The following DGKI variants were observed in gnomAD, a reference collection of about 807,000 sequenced individuals.
DGKI encodes DAG kinase iota.
DGKI carries 55 observed loss-of-function variants against 147.5 expected under a neutral mutation model. The ratio of observed to expected loss-of-function variants is 0.37; its 90% CI spans 0.30 to 0.47. DGKI has a LOEUF of 0.47. DGKI is among the 20% of genes least tolerant of loss of function. DGKI has a pLI of 1.00. For missense variants in DGKI, 1,007 were observed against 1,323.8 expected (o/e 0.76, Z 3.71); for synonymous variants, 469 against 477.1 (o/e 0.98, Z 0.22).
intron 15 of DGKI, among the ~76,000 whole-genome samples, chr7:137,580,399 T>C (rs1819147009): frequency 6.6e-6 from 1 of 152,072 alleles, no homozygotes; most frequent in Non-Finnish European, 1.5e-5. Context: ...ATACCTAATA[T>C]CCAAGAACTG....
chr7:137,678,983 C>T (rs1238705907), intron 2 of DGKI, among the ~76,000 whole-genome samples: 1 of 152,156 alleles, frequency 6.6e-6, no homozygotes, highest in African/African-American at 2.4e-5. Flanking sequence ...CCAGGCCCAC[C>T]ACTGCAAATG....
intron 1 of DGKI, among the ~76,000 whole-genome samples, chr7:137,763,281 T>A (rs1795915188): frequency 6.6e-6 from 1 of 152,262 alleles, no homozygotes; most frequent in Non-Finnish European, 1.5e-5. Context: ...TGTCCTATTA[T>A]ACAGTTTATA....
chr7:137,772,225 A>T (rs907827588), intron 1 of DGKI: 39 of 133,608 alleles, frequency 2.9e-4, no homozygotes, highest in African/African-American at 9.6e-4. Context: ...GTAGAATTTT[A>T]AAACAAAAGG....
intron 28 of DGKI, among the ~76,000 whole-genome samples, chr7:137,418,649 TTTTTA>T (rs1812447676): frequency 6.6e-6 from 1 of 152,246 alleles, no homozygotes; most frequent in South Asian, 2.1e-4. Context: ...TTCAGTTATT[TTTTTA>T]GTTTTAAAAA....
At chr7:137,497,140 C>G (rs764909518) in intron 21 of DGKI, among the ~76,000 whole-genome samples, 2 of 147,368 alleles carry the variant, frequency 1.4e-5, no homozygotes, top group Non-Finnish European at 3.0e-5. Context: ...AAGACATGAA[C>G]AGACATATTT....
intron 20 of DGKI, among the ~76,000 whole-genome samples, chr7:137,522,993 A>C (rs1247085752): frequency 6.6e-6 from 1 of 152,080 alleles, no homozygotes; most frequent in Non-Finnish European, 1.5e-5. Context: ...AAGTAGAAAG[A>C]ATGGCATTAT....
intron 24 of DGKI, 88 bp downstream of exon 24, chr7:137,469,462 T>C: frequency 1.5e-6 from 2 of 1,366,256 alleles, no homozygotes; most frequent in East Asian, 2.3e-5. Context: ...AATAATCTTT[T>C]GGAAAACTAG....
At chr7:137,768,229 T>G (rs1479074827) in intron 1 of DGKI, among the ~76,000 whole-genome samples, 1 of 152,094 alleles carries the variant, frequency 6.6e-6, no homozygotes, top group Non-Finnish European at 1.5e-5. Flanking sequence ...TGCACCAACC[T>G]AACAGATAAT....
rs114545803 is a variant in DGKI at position 137,627,086 on chromosome 7, T to C, written c.805-3532A>G. ...AATATGTTTTATTCTTTTATAGTTCTATTTATTTATTTATTTTTGGCTGTT... is the reference window on the plus strand; with the variant it reads ...AATATGTTTTATTCTTTTATAGTTCCATTTATTTATTTATTTTTGGCTGTT... On this transcript the variant is annotated intron_variant, in intron 6 of 32. Coordinates refer to ENST00000614521, the MANE Select transcript of DGKI (RefSeq NM_001321708.2). 7.8e-3 allele frequency among the ~76,000 whole-genome samples: 1,186 copies of C among 152,276 alleles called. 19 individuals carry two copies. Among genetic ancestry groups the C allele is most frequent in the African/African-American group, 0.028 (1,148 of 41,546 alleles).
intron 20 of DGKI, among the ~76,000 whole-genome samples, chr7:137,547,525 T>C (rs552665075): frequency 6.6e-6 from 1 of 152,170 alleles, no homozygotes; most frequent in African/African-American, 2.4e-5. Context: ...CCAAAACACA[T>C]TTGATATTAG....
intron 21 of DGKI, among the ~76,000 whole-genome samples, chr7:137,507,842 C>T (rs1816420736): frequency 6.6e-6 from 1 of 152,056 alleles, no homozygotes; most frequent in African/African-American, 2.4e-5. Context: ...TGTTTAGAAT[C>T]CAGAAGGGCT....
Position 137,714,306 on chromosome 7 carries a change from A to G in DGKI, c.402-24304T>C, listed in dbSNP as rs566859333. On this transcript the variant is annotated intron_variant, in intron 1 of 32. Coordinates refer to ENST00000614521, the MANE Select transcript of DGKI (RefSeq NM_001321708.2). Reference sequence around the variant, plus strand: ...AAGGTTAAAAAAAATGTTTAAAAACATCTAACACATATCTGCTTTTAAATA... The same window carrying G: ...AAGGTTAAAAAAAATGTTTAAAAACGTCTAACACATATCTGCTTTTAAATA... Among the ~76,000 whole-genome samples the G allele has an allele frequency of 2.2e-3, 333 of 152,362 alleles. 2 individuals carry two copies. The highest frequency in any genetic ancestry group is 0.017 in the Middle Eastern group (5 of 294).
intron 19 of DGKI, among the ~76,000 whole-genome samples, chr7:137,562,566 GAGA>G (rs1818453639): frequency 6.6e-6 from 1 of 152,110 alleles, no homozygotes; most frequent in African/African-American, 2.4e-5. Flanking sequence ...AGGTAAGAAA[GAGA>G]AGAAGGATTA....
In DGKI at chr7:137,645,485, T is replaced by C. The variant is rs769392280; in HGVS notation, c.791A>G (p.Lys264Arg). The C allele has an allele frequency of 3.1e-6, 5 of 1,613,576 alleles. No homozygotes were observed. Among genetic ancestry groups the C allele is most frequent in the Non-Finnish European group, 4.2e-6 (5 of 1,179,648 alleles). Residue 264 changes from lysine (K) to arginine (R), a missense_variant, in exon 6 of 33, where the codon AAG becomes AGG. Transcript: ENST00000614521. ...VHRRRQEGKCKQCGKGFQQKF... is the reference protein window; with the variant it reads ...VHRRRQEGKCRQCGKGFQQKF... ...CTGGGCTCTTACCTTACCACACTGC[T>C]TACATTTCCCCTCCTGCCGACGCCT...
intron 1 of DGKI, among the ~76,000 whole-genome samples, chr7:137,760,754 C>A (rs6970510): frequency 0.055 from 8,340 of 152,244 alleles, 249 homozygotes; most frequent in East Asian, 0.12. Context: ...TCCACTAATA[C>A]CACTTCACCC....
intron 1 of DGKI, among the ~76,000 whole-genome samples, chr7:137,794,361 A>C (rs1281970484): frequency 6.6e-6 from 1 of 152,250 alleles, no homozygotes; most frequent in East Asian, 1.9e-4. Context: ...GACTGTACAA[A>C]GATTAATATT....
At chr7:137,790,026 T>A (rs965519382) in intron 1 of DGKI, among the ~76,000 whole-genome samples, 1 of 152,174 alleles carries the variant, frequency 6.6e-6, no homozygotes, top group African/African-American at 2.4e-5. Context: ...TATTTTAGCC[T>A]TTGAAGACCA....
intron 3 of DGKI, among the ~76,000 whole-genome samples, chr7:137,661,590 T>A (rs945474444): frequency 1.3e-5 from 2 of 152,122 alleles, no homozygotes; most frequent in African/African-American, 4.8e-5. Context: ...ATGGTTTCTC[T>A]ACCCCTTAGC....
intron 23 of DGKI, among the ~76,000 whole-genome samples, chr7:137,470,044 C>T (rs1260798353): frequency 3.9e-5 from 6 of 152,036 alleles, no homozygotes; most frequent in South Asian, 4.1e-4. Context: ...ACATACGGTA[C>T]GTGAGAAAAA....
Sources: gnomAD v4.1 joint callset for allele counts (sites outside exome capture counted in the v4.1 genomes callset) on GRCh38, gnomAD v4.1.1 for gene constraint, MANE v1.5 for transcripts, NCBI Gene and HGNC (gene_info 2026-07-23, HGNC 2026-07-21) for gene names.